KHDRBS2: variants seen among roughly 807,000 people sequenced by gnomAD.
KHDRBS2 encodes KH RNA binding domain containing, signal transduction associated 2, also known as KH domain-containing, RNA-binding, signal transduction-associated protein 2.
Under a neutral mutation model 44.3 loss-of-function variants are expected in KHDRBS2, and 26 were observed. The observed-to-expected ratio is 0.59, with a 90% CI of 0.43 to 0.81. The LOEUF (loss-of-function observed/expected upper bound fraction) is 0.81. KHDRBS2 is among the 40% of genes least tolerant of loss of function. The pLI, the probability that KHDRBS2 is intolerant of heterozygous loss-of-function variation, is 0.00. For missense variants in KHDRBS2, 476 were observed against 433.1 expected, an observed-to-expected ratio of 1.10 and a Z score of -0.88; for synonymous variants, 194 against 151.1, an observed-to-expected ratio of 1.28 and a Z score of -2.08.
intron 3 of KHDRBS2, among the ~76,000 whole-genome samples, chr6:62,037,001 A>G (rs986674329): frequency 6.6e-6 from 1 of 152,008 alleles, no homozygotes; most frequent in Non-Finnish European, 1.5e-5. Context: ...ATGTTGCCCA[A>G]GTTTAATTCT....
At chr6:61,655,260 ACT>A in the KHDRBS2 span, among the ~76,000 whole-genome samples, 52 of 146,582 alleles carry the variant, frequency 3.5e-4, no homozygotes, top group African/African-American at 1.2e-3. Context: ...ACACACACAC[ACT>A]ATTTATTTCT....
intron 2 of KHDRBS2, among the ~76,000 whole-genome samples, chr6:62,162,058 A>G (rs1817770114): frequency 6.6e-6 from 1 of 152,106 alleles, no homozygotes. Flanking sequence ...CCAGCTTTTA[A>G]ACCATTTAAA....
chr6:61,601,422 A>G, the KHDRBS2 span, among the ~76,000 whole-genome samples: 2 of 151,980 alleles, frequency 1.3e-5, no homozygotes, highest in African/African-American at 4.8e-5. Flanking sequence ...TAAGCATCTT[A>G]TTTTCTTCTG....
At chr6:61,899,543 G>A (rs529024317) in intron 5 of KHDRBS2, among the ~76,000 whole-genome samples, 27 of 151,824 alleles carry the variant, frequency 1.8e-4, no homozygotes, top group Admixed American at 2.6e-4. Context: ...AGGCCATAAA[G>A]CACTATCCTG....
At chr6:61,786,920 A>G (rs1293742496) in intron 6 of KHDRBS2, among the ~76,000 whole-genome samples, 7 of 151,696 alleles carry the variant, frequency 4.6e-5, no homozygotes, top group Non-Finnish European at 1.0e-4. Flanking sequence ...TAATCCAAAA[A>G]GAATCCCAAT....
the KHDRBS2 span, among the ~76,000 whole-genome samples, chr6:61,559,692 A>G: frequency 1.3e-5 from 2 of 152,306 alleles, no homozygotes; most frequent in African/African-American, 4.8e-5. Flanking sequence ...AAGCAAATAG[A>G]CAACTTATAA....
intron 1 of KHDRBS2, among the ~76,000 whole-genome samples, chr6:62,184,906 C>T (rs1343612343): frequency 1.3e-5 from 2 of 151,826 alleles, no homozygotes; most frequent in Admixed American, 6.6e-5. Flanking sequence ...AATTATTATG[C>T]TGCATTAATA....
chr6:62,226,130 T>G (rs1180703189), intron 1 of KHDRBS2, among the ~76,000 whole-genome samples: 1 of 152,224 alleles, frequency 6.6e-6, no homozygotes, highest in African/African-American at 2.4e-5. Flanking sequence ...TCCACAATGG[T>G]TGAACTAATT....
At chr6:61,721,353 T>C (rs897091144) in intron 7 of KHDRBS2, among the ~76,000 whole-genome samples, 7 of 152,120 alleles carry the variant, frequency 4.6e-5, no homozygotes, top group African/African-American at 1.7e-4. Context: ...GCATTGAATC[T>C]GTAAATTACC....
the KHDRBS2 span, among the ~76,000 whole-genome samples, chr6:61,605,547 GT>G: frequency 6.6e-6 from 1 of 152,082 alleles, no homozygotes; most frequent in African/African-American, 2.4e-5. Flanking sequence ...ATTCTGTTTA[GT>G]TTTTTAATTC....
At chr6:61,987,878 C>T (rs1775352071) in intron 3 of KHDRBS2, among the ~76,000 whole-genome samples, 1 of 152,180 alleles carries the variant, frequency 6.6e-6, no homozygotes, top group African/African-American at 2.4e-5. Context: ...CTTCCAGGAT[C>T]AGGCCATCCA....
At chr6:61,968,298 GA>G (rs1163506969) in intron 4 of KHDRBS2, among the ~76,000 whole-genome samples, 1 of 151,934 alleles carries the variant, frequency 6.6e-6, no homozygotes, top group African/African-American at 2.4e-5. Flanking sequence ...GAGTATTCCT[GA>G]AAATGTTTGG....
At chr6:62,074,419 C>T (rs1795921831) in intron 2 of KHDRBS2, among the ~76,000 whole-genome samples, 1 of 151,790 alleles carries the variant, frequency 6.6e-6, no homozygotes, top group African/African-American at 2.4e-5. Flanking sequence ...TGACTATAGT[C>T]CACCATCTTC....
chr6:61,777,120 A>T (rs923768121), intron 6 of KHDRBS2, among the ~76,000 whole-genome samples: 3 of 148,678 alleles, frequency 2.0e-5, no homozygotes, highest in African/African-American at 7.4e-5. Context: ...GGGGAACATC[A>T]CACACCAGAG....
At chr6:62,065,102 AG>A (rs1406091563) in intron 2 of KHDRBS2, among the ~76,000 whole-genome samples, 12 of 152,002 alleles carry the variant, frequency 7.9e-5, no homozygotes, top group African/African-American at 2.6e-4. Flanking sequence ...CACACCAGTT[AG>A]AATGGCAATC....
chr6:61,567,372 G>A, the KHDRBS2 span, among the ~76,000 whole-genome samples: 5 of 152,212 alleles, frequency 3.3e-5, no homozygotes, highest in Non-Finnish European at 7.3e-5. Flanking sequence ...AAAGATAAAT[G>A]TAAAATACAT....
chr6:62,115,955 C>T (rs895368287), intron 2 of KHDRBS2, among the ~76,000 whole-genome samples: 1 of 151,950 alleles, frequency 6.6e-6, no homozygotes, highest in Non-Finnish European at 1.5e-5. Flanking sequence ...ACATTAACAA[C>T]ATTTTGAAAG....
At chr6:62,212,881 T>C (rs1011842839) in intron 1 of KHDRBS2, among the ~76,000 whole-genome samples, 1 of 151,272 alleles carries the variant, frequency 6.6e-6, no homozygotes, top group Non-Finnish European at 1.5e-5. Flanking sequence ...ACAGGAAGAC[T>C]GGATGGGGGA....
chr6:62,199,336 A>C (rs1044975199), intron 1 of KHDRBS2, among the ~76,000 whole-genome samples: 6 of 151,776 alleles, frequency 4.0e-5, no homozygotes, highest in African/African-American at 1.2e-4. Flanking sequence ...TATCTAGAAA[A>C]CCCCCTTGTC....
Sources: gnomAD v4.1 joint callset for allele counts (sites outside exome capture counted in the v4.1 genomes callset) on GRCh38, gnomAD v4.1.1 for gene constraint, MANE v1.5 for transcripts, NCBI Gene and HGNC (gene_info 2026-07-23, HGNC 2026-07-21) for gene names.